The following CORO7 variants were observed in gnomAD, a reference collection of about 807,000 sequenced individuals.
The protein encoded by CORO7 is coronin 7, also known as coronin-7.
A neutral mutation model predicts 126.6 loss-of-function variants in CORO7; 107 were observed. That is an observed-to-expected ratio of 0.85 (90% confidence interval 0.72 to 0.99). The LOEUF is 0.99. Ranked by LOEUF, CORO7 falls within the 50% of genes least tolerant of loss-of-function variation. The probability of loss-of-function intolerance (pLI) is 0.00; values close to 1 mark genes in which losing one functional copy is unlikely to be tolerated. For missense variants in CORO7, 1,314 were observed against 1,255.8 expected (o/e 1.05, Z -0.70); for synonymous variants, 603 against 536.8 (o/e 1.12, Z -1.70).
chr16:4,362,754 G>T lies in CORO7; in HGVS notation c.1276-16C>A. 1 of 1,375,002 alleles carries T rather than the reference G, an allele frequency of 7.3e-7. No homozygotes were observed. The highest frequency in any genetic ancestry group is 2.9e-5 in the East Asian group (1 of 34,384). The allele number at this position is 1,375,002 out of a possible 1,614,324, so 85.2% of individuals were successfully genotyped here. A position where few individuals can be genotyped will look rare whatever the true frequency, so the allele number is the denominator to read the frequency against. On this transcript the variant is annotated splice_polypyrimidine_tract_variant and intron_variant, in intron 14 of 27. Transcript: ENST00000251166. The surrounding 1 kb of genome is among the most constrained non-coding windows in gnomAD (Gnocchi z 5.3). ...AGAAACCCTCCTGGGGAGGGGCATGGGGTCAGCCAGCCTGCTCCTAGGTGT... is the reference window on the plus strand; with the variant it reads ...AGAAACCCTCCTGGGGAGGGGCATGTGGTCAGCCAGCCTGCTCCTAGGTGT...
intron 9 of CORO7, among the ~76,000 whole-genome samples, chr16:4,368,142 T>C (rs1162770199): frequency 6.6e-6 from 1 of 151,202 alleles, no homozygotes; most frequent in African/African-American, 2.4e-5. Flanking sequence ...AGGTCAGCAG[T>C]TTGAGACCAG....
rs1229590290 is a variant in CORO7 at position 4,361,625 on chromosome 16, C to A, written c.1579-156G>T. The stretch of plus-strand genomic sequence containing the variant: ...AGCTCTCTGCCCTGACCACCTTGCG[C>A]TCTGAGCCCCAAGTGCCAACCACAA... On this transcript the variant is annotated intron_variant, in intron 16 of 27. Coordinates refer to ENST00000251166, the MANE Select transcript of CORO7 (RefSeq NM_024535.5). 3.9e-5 allele frequency: 37 copies of A among 942,316 alleles called. No homozygotes were observed. In the Admixed American group the frequency reaches 7.6e-4, roughly 19 times the overall value. 58.4% of individuals were successfully genotyped at this position (942,316 alleles called of 1,614,324 possible).
intron 7 of CORO7, among the ~76,000 whole-genome samples, chr16:4,392,715 C>T (rs1016645152): frequency 6.6e-5 from 10 of 152,362 alleles, no homozygotes; most frequent in South Asian, 6.2e-4. Flanking sequence ...GCCGGCCCCT[C>T]GGCTCACACC....
chr16:4,362,250 AC>A lies in CORO7; in HGVS notation c.1403-91del. 6.8e-7 allele frequency: 1 copy of A among 1,481,448 alleles called. No individual in the cohort carries two copies. Among genetic ancestry groups the A allele is most frequent in the Non-Finnish European group, 9.0e-7 (1 of 1,111,642 alleles). The allele number at this position is 1,481,448 out of a possible 1,614,324, so 91.8% of individuals were successfully genotyped here. A position where few individuals can be genotyped will look rare whatever the true frequency, so the allele number is the denominator to read the frequency against. ...TGAGTCCCGGCTGCCCACTCCCCTC[AC>A]CCCAGGTGGATGTACAGCATGGACC... On this transcript the variant is annotated intron_variant, in intron 15 of 27. Coordinates refer to ENST00000251166, the MANE Select transcript of CORO7 (RefSeq NM_024535.5). This position sits in a 1 kb window ranked among gnomAD's most constrained non-coding sequence, Gnocchi z 5.3.
intron 5 of CORO7, among the ~76,000 whole-genome samples, chr16:4,406,630 T>C (rs2056006871): frequency 1.3e-5 from 2 of 151,020 alleles, no homozygotes; most frequent in African/African-American, 4.9e-5. Flanking sequence ...TTTTTGTTTT[T>C]TGTTTTTTGT....
At chr16:4,414,472 C>T (rs1398798256) in intron 1 of CORO7, 1 of 152,324 alleles carries the variant, frequency 6.6e-6, no homozygotes, top group Non-Finnish European at 1.5e-5. Flanking sequence ...CCCATGTTTC[C>T]CACTCCACCC....
chr16:4,412,938 C>T, intron 2 of CORO7: 1 of 244,334 alleles, frequency 4.1e-6, no homozygotes, highest in Non-Finnish European at 7.9e-6. Flanking sequence ...CAAGAGAGTG[C>T]CAACCAACAC....
chr16:4,397,762 C>A (rs779322134), intron 6 of CORO7, among the ~76,000 whole-genome samples: 1 of 151,640 alleles, frequency 6.6e-6, no homozygotes. Flanking sequence ...TACAGGTGCA[C>A]GCCACCACGC....
At chr16:4,361,854 A>T in intron 16 of CORO7, 131 bp downstream of exon 16, 1 of 1,403,076 alleles carries the variant, frequency 7.1e-7, no homozygotes, top group Non-Finnish European at 9.8e-7. Flanking sequence ...GGCTGGGAGG[A>T]TCACAGGACA....
At chr16:4,385,973 C>G (rs1300638314) in intron 9 of CORO7, among the ~76,000 whole-genome samples, 1 of 152,238 alleles carries the variant, frequency 6.6e-6, no homozygotes. Flanking sequence ...TCCAGACTTT[C>G]CATGCTCAGC....
intron 9 of CORO7, among the ~76,000 whole-genome samples, chr16:4,380,693 G>A (rs576015546): frequency 1.3e-5 from 2 of 152,368 alleles, no homozygotes. Context: ...CACAGTGAGG[G>A]AGTGACGGGG....
In CORO7 at chr16:4,359,480, C is replaced by G; in HGVS notation, c.2250G>C (p.Lys750Asn). ...PDTGLVLLTG[K>N]GDTRVFLYEL... is the part of the protein sequence containing the mutation. ...CATCCCGCCCTCCAGCCCAGCCCAC[C>G]TTGCCGGTCAGGAGCACCAGGCCAG... The change falls in exon 22 of 28, where the codon AAG becomes AAC. Residue 750 changes from lysine (K) to asparagine (N), a missense_variant and splice_region_variant. Physicochemically the swap from Lys to Asn is moderately conservative, Grantham distance 94. Transcript: ENST00000251166. The G allele has an allele frequency of 6.2e-7, 1 of 1,613,528 alleles. No homozygotes were observed. The highest frequency in any genetic ancestry group is 8.5e-7 in the Non-Finnish European group (1 of 1,179,962).
Position 4,358,086 on chromosome 16 carries a change from A to G in CORO7, c.2475T>C (p.Asp825=). 1.9e-6 allele frequency: 3 copies of G among 1,612,338 alleles called. No homozygotes were observed. Among genetic ancestry groups the G allele is most frequent in the Non-Finnish European group, 2.5e-6 (3 of 1,178,878 alleles). ...TCACAGCCGTGTCTGGGAACACGTC[A>G]TCCTGGAAGAACTCTTTCTGCAGAG... ...LPRVRKEFFQ[D]DVFPDTAVIW... The change falls in exon 25 of 28, where the codon GAT becomes GAC. Residue 825 remains aspartate (D), a synonymous_variant. Coordinates refer to ENST00000251166, the MANE Select transcript of CORO7 (RefSeq NM_024535.5).
At chr16:4,364,524 A>C (rs2054284454) in intron 13 of CORO7, 73 bp downstream of exon 13, 2 of 1,510,458 alleles carry the variant, frequency 1.3e-6, no homozygotes, top group East Asian at 4.9e-5. Flanking sequence ...GGCCAGACTG[A>C]GTTGGCACAC....
intron 24 of CORO7, 99 bp downstream of exon 24, chr16:4,358,268 T>A (rs1425620526): frequency 5.2e-6 from 8 of 1,533,444 alleles, no homozygotes; most frequent in Non-Finnish European, 7.1e-6. Flanking sequence ...CCATGAACAA[T>A]GGGTAGGGAA....
Position 4,361,376 on chromosome 16 carries a change from G to A in CORO7, c.1672C>T (p.His558Tyr). ...TDLAWDPFDPHRLAVAGEDAR... is the reference protein window; with the variant it reads ...TDLAWDPFDPYRLAVAGEDAR... ...GCCTCCTTACCCACAGCGAGGCGAT[G>A]GGGGTCAAAGGGGTCCCAGGCCAGA... The change falls in exon 17 of 28, where the codon CAT becomes TAT. Residue 558 changes from histidine to tyrosine, a missense_variant. By Grantham distance (83) the His-to-Tyr change is moderately conservative. Transcript: ENST00000251166. 6.2e-7 allele frequency: 1 copy of A among 1,612,152 alleles called. No individual in the cohort carries two copies. The highest frequency in any genetic ancestry group is 1.3e-5 in the African/African-American group (1 of 75,034).
At chr16:4,366,140 C>G (rs9934554) in intron 9 of CORO7, among the ~76,000 whole-genome samples, 6,019 of 152,294 alleles carry the variant, frequency 0.04, 427 homozygotes, top group African/African-American at 0.14. Flanking sequence ...ATCTGAGCCA[C>G]GTGCCCGGGA....
chr16:4,416,055 G>C (rs2056399205), intron 1 of CORO7: 1 of 258,416 alleles, frequency 3.9e-6, no homozygotes, highest in African/African-American at 2.3e-5. Context: ...CAGGGGCAGG[G>C]GCGACCCGGG....
At chr16:4,401,171 G>C (rs2055790396) in intron 6 of CORO7, among the ~76,000 whole-genome samples, 1 of 152,218 alleles carries the variant, frequency 6.6e-6, no homozygotes, top group Admixed American at 6.5e-5. Context: ...GGTCATGGAA[G>C]GACAAACAGA....
Sources: allele counts gnomAD v4.1 joint callset (sites outside exome capture counted in the v4.1 genomes callset), GRCh38; gene constraint gnomAD v4.1.1; non-coding constraint Gnocchi (gnomAD v3.1); transcripts MANE v1.5; gene names NCBI Gene and HGNC (gene_info 2026-07-23, HGNC 2026-07-21).